CNTNAP2: variants seen among roughly 807,000 people sequenced by gnomAD.
CNTNAP2 encodes contactin associated protein 2.
In CNTNAP2, 98 loss-of-function variants were observed where a neutral mutation model predicts 155.2. The observed-to-expected ratio is 0.63, with a 90% CI of 0.54 to 0.75. The LOEUF is 0.75. Ranked by LOEUF, CNTNAP2 falls within the 30% of genes least tolerant of loss-of-function variation. The pLI, the probability that CNTNAP2 is intolerant of heterozygous loss-of-function variation, is 0.00. For missense variants in CNTNAP2, 1,727 were observed against 1,688.1 expected (o/e 1.02, Z -0.40); for synonymous variants, 651 against 631.2 (o/e 1.03, Z -0.47).
chr7:147,408,823 C>T (rs545098730), intron 10 of CNTNAP2, among the ~76,000 whole-genome samples: 8 of 152,204 alleles, frequency 5.3e-5, no homozygotes, highest in African/African-American at 1.9e-4. Flanking sequence ...TTGAGCAATA[C>T]GCAGCCATTG....
At chr7:146,345,627 C>A (rs1437709983) in intron 1 of CNTNAP2, among the ~76,000 whole-genome samples, 1 of 151,988 alleles carries the variant, frequency 6.6e-6, no homozygotes, top group Non-Finnish European at 1.5e-5. Flanking sequence ...AGCATGATAC[C>A]TTAGAACCAT....
intron 3 of CNTNAP2, among the ~76,000 whole-genome samples, chr7:146,941,626 T>C (rs1306382044): frequency 6.6e-6 from 1 of 152,186 alleles, no homozygotes; most frequent in Admixed American, 6.5e-5. Context: ...CTTAGTGTCC[T>C]GTTCTTTCAA....
intron 4 of CNTNAP2, among the ~76,000 whole-genome samples, chr7:147,103,200 A>G (rs1800690378): frequency 6.6e-6 from 1 of 152,190 alleles, no homozygotes; most frequent in African/African-American, 2.4e-5. Context: ...TGGGCTTTAG[A>G]ATGGAACAAA....
intron 1 of CNTNAP2, among the ~76,000 whole-genome samples, chr7:146,684,250 A>G (rs1368821228): frequency 3.3e-5 from 5 of 152,180 alleles, no homozygotes; most frequent in Admixed American, 3.3e-4. Context: ...AGATGAGTTC[A>G]CAAACCAGCT....
At chr7:146,377,466 A>G (rs1469005048) in intron 1 of CNTNAP2, among the ~76,000 whole-genome samples, 2 of 152,136 alleles carry the variant, frequency 1.3e-5, no homozygotes, top group African/African-American at 2.4e-5. Context: ...TATTAAGAAT[A>G]TATCTCTGAC....
chr7:147,698,777 T>C (rs1181882930), intron 13 of CNTNAP2, among the ~76,000 whole-genome samples: 1 of 152,194 alleles, frequency 6.6e-6, no homozygotes, highest in Non-Finnish European at 1.5e-5. Context: ...TTACCCAGGC[T>C]GGTCGTGAGC....
intron 8 of CNTNAP2, among the ~76,000 whole-genome samples, chr7:147,284,648 C>T (rs535589417): frequency 4.8e-4 from 73 of 151,990 alleles, no homozygotes; most frequent in African/African-American, 1.7e-3. Context: ...TGGTAACATA[C>T]ATTTATATCC....
chr7:147,648,984 A>G (rs941288534), intron 13 of CNTNAP2, among the ~76,000 whole-genome samples: 3 of 152,210 alleles, frequency 2.0e-5, no homozygotes, highest in African/African-American at 7.2e-5. Flanking sequence ...TTCAACCACT[A>G]TGAAAGAACG....
At chr7:146,958,021 G>A (rs921498165) in intron 3 of CNTNAP2, among the ~76,000 whole-genome samples, 6 of 152,056 alleles carry the variant, frequency 3.9e-5, no homozygotes, top group African/African-American at 7.2e-5. Flanking sequence ...AGAATATAGC[G>A]TACAATTTCA....
At chr7:147,019,046 G>T (rs1798773957) in intron 3 of CNTNAP2, among the ~76,000 whole-genome samples, 1 of 151,956 alleles carries the variant, frequency 6.6e-6, no homozygotes, top group African/African-American at 2.4e-5. Flanking sequence ...ATAAGAATCA[G>T]GACCCAAAGA....
chr7:146,407,578 C>T (rs1218476903), intron 1 of CNTNAP2, among the ~76,000 whole-genome samples: 1 of 152,170 alleles, frequency 6.6e-6, no homozygotes, highest in Non-Finnish European at 1.5e-5. Context: ...AGAAAACCAA[C>T]ATAGACAACC....
chr7:148,379,413 G>C (rs1470647639), intron 21 of CNTNAP2, among the ~76,000 whole-genome samples: 1 of 151,896 alleles, frequency 6.6e-6, no homozygotes. Flanking sequence ...ACATCTAAAT[G>C]CTTATCCAGG....
intron 1 of CNTNAP2, among the ~76,000 whole-genome samples, chr7:146,494,354 A>AAT (rs1554440826): frequency 4.4e-4 from 65 of 148,830 alleles, no homozygotes; most frequent in African/African-American, 1.3e-3. Flanking sequence ...TAAATAAATA[A>AAT]AAATAAATAA....
At chr7:146,549,858 A>G (rs1227717165) in intron 1 of CNTNAP2, among the ~76,000 whole-genome samples, 1 of 152,072 alleles carries the variant, frequency 6.6e-6, no homozygotes, top group Non-Finnish European at 1.5e-5. Context: ...CAACACAACC[A>G]TATATCAACC....
intron 11 of CNTNAP2, among the ~76,000 whole-genome samples, chr7:147,504,862 C>T: frequency 6.7e-6 from 1 of 149,588 alleles, no homozygotes; most frequent in Non-Finnish European, 1.5e-5. Context: ...CTCATTTTTC[C>T]AGGCATTTTG....
chr7:147,651,821 G>A (rs926273144), intron 13 of CNTNAP2, among the ~76,000 whole-genome samples: 19 of 152,172 alleles, frequency 1.2e-4, no homozygotes, highest in African/African-American at 4.6e-4. Context: ...AATATGGCAT[G>A]TGTCCATTAA....
intron 3 of CNTNAP2, among the ~76,000 whole-genome samples, chr7:146,863,733 A>G (rs1378905821): frequency 6.6e-6 from 1 of 152,160 alleles, no homozygotes; most frequent in African/African-American, 2.4e-5. Context: ...TAGTTCCCAA[A>G]TAGAAGCTAG....
At chr7:147,234,628 C>T (rs1479818981) in intron 8 of CNTNAP2, among the ~76,000 whole-genome samples, 1 of 152,114 alleles carries the variant, frequency 6.6e-6, no homozygotes, top group Non-Finnish European at 1.5e-5. Context: ...CATGAGCCAC[C>T]GCGCCCGGCC....
At chr7:148,224,761 G>A (rs1284370747) in intron 19 of CNTNAP2, among the ~76,000 whole-genome samples, 2 of 152,164 alleles carry the variant, frequency 1.3e-5, no homozygotes, top group Non-Finnish European at 2.9e-5. Flanking sequence ...GCATGGCTGG[G>A]GAGGCCTCAG....
Sources: allele counts gnomAD v4.1 joint callset (sites outside exome capture counted in the v4.1 genomes callset), GRCh38; gene constraint gnomAD v4.1.1; transcripts MANE v1.5; gene names NCBI Gene and HGNC (gene_info 2026-07-23, HGNC 2026-07-21).